SHISA9: variants seen among roughly 807,000 people sequenced by gnomAD.
SHISA9 encodes the protein protein shisa-9.
In SHISA9, 13 loss-of-function variants were observed where a neutral mutation model predicts 38.0. The observed-to-expected ratio is 0.34, with a 90% confidence interval of 0.22 to 0.54. The LOEUF (loss-of-function observed/expected upper bound fraction) is 0.54. Among genes scored for constraint, SHISA9 ranks in the 20% least tolerant of loss-of-function variants. The pLI, the probability that SHISA9 is intolerant of heterozygous loss-of-function variation, is 0.91. For missense variants in SHISA9, 538 were observed against 575.8 expected (o/e 0.93, Z 0.67); for synonymous variants, 275 against 242.0 (o/e 1.14, Z -1.27).
At chr16:13,453,221 C>G in the SHISA9 span, among the ~76,000 whole-genome samples, 1 of 152,062 alleles carries the variant, frequency 6.6e-6, no homozygotes, top group Non-Finnish European at 1.5e-5. Flanking sequence ...CAGGGAAAAC[C>G]GTTTGTTTTT....
At chr16:13,001,134 G>C (rs964844438) in intron 2 of SHISA9, among the ~76,000 whole-genome samples, 2 of 152,178 alleles carry the variant, frequency 1.3e-5, no homozygotes, top group Admixed American at 6.5e-5. Context: ...CACCATGTTG[G>C]CCAGGCTAGT....
At chr16:13,024,737 T>C (rs1489929098) in intron 2 of SHISA9, among the ~76,000 whole-genome samples, 1 of 152,220 alleles carries the variant, frequency 6.6e-6, no homozygotes, top group Non-Finnish European at 1.5e-5. Context: ...CAATACCCAT[T>C]TCCACAGAGC....
intron 2 of SHISA9, among the ~76,000 whole-genome samples, chr16:13,190,049 G>A (rs1019216086): frequency 6.6e-6 from 1 of 151,508 alleles, no homozygotes; most frequent in Non-Finnish European, 1.5e-5. Context: ...ATTGGATGAA[G>A]TGGCTGCTGT....
chr16:13,009,486 C>T (rs956578495), intron 2 of SHISA9, among the ~76,000 whole-genome samples: 1 of 152,142 alleles, frequency 6.6e-6, no homozygotes, highest in African/African-American at 2.4e-5. Flanking sequence ...CCTCCATTTT[C>T]CCTGCCCTTC....
At position 12,902,149 on chromosome 16, in the gene SHISA9, C is replaced by A. The variant is rs1232944959; in HGVS notation, c.85C>A (p.His29Asn). Residue 29 changes from histidine (H) to asparagine (N), a missense_variant, in exon 1 of 5, where the codon CAC becomes AAC. This residue lies in a region of SHISA9 where 107 missense variants were observed against 103.0 expected (regional missense o/e 1.04). Coordinates refer to ENST00000558583, the MANE Select transcript of SHISA9 (RefSeq NM_001145204.3). ...RVCRAQERAG[H>N]GQLAQLGGVL... The stretch of plus-strand genomic sequence containing the variant: ...GTGCCGGGCGCAGGAGCGAGCGGGA[C>A]ACGGGCAGCTGGCGCAACTGGGCGG... 6.6e-7 allele frequency: 1 copy of A among 1,525,858 alleles called. No homozygotes were observed. Among genetic ancestry groups the A allele is most frequent in the Non-Finnish European group, 8.8e-7 (1 of 1,142,616 alleles). The allele number at this position is 1,525,858 out of a possible 1,614,324, so 94.5% of individuals were successfully genotyped here.
At chr16:13,027,666 C>A (rs973279757) in intron 2 of SHISA9, among the ~76,000 whole-genome samples, 32 of 152,002 alleles carry the variant, frequency 2.1e-4, no homozygotes, top group African/African-American at 7.0e-4. Context: ...AAAGCAGGCA[C>A]TGAAGAGTGT....
chr16:13,148,116 C>T (rs1456138297), intron 2 of SHISA9, among the ~76,000 whole-genome samples: 2 of 152,150 alleles, frequency 1.3e-5, no homozygotes, highest in African/African-American at 2.4e-5. Flanking sequence ...CATGCACACT[C>T]ACAACATACA....
chr16:13,452,921 CTTTTT>C, the SHISA9 span, among the ~76,000 whole-genome samples: 13 of 151,572 alleles, frequency 8.6e-5, no homozygotes, highest in Non-Finnish European at 1.5e-4. Flanking sequence ...CTTTTCTTTT[CTTTTT>C]AAGACAGAGT....
chr16:13,486,843 T>G, the SHISA9 span, among the ~76,000 whole-genome samples: 1 of 152,236 alleles, frequency 6.6e-6, no homozygotes, highest in Non-Finnish European at 1.5e-5. Context: ...TAACTGGGAT[T>G]ACAGGCATGC....
the SHISA9 span, among the ~76,000 whole-genome samples, chr16:13,433,202 A>G: frequency 2.0e-5 from 3 of 152,316 alleles, no homozygotes; most frequent in African/African-American, 7.2e-5. Flanking sequence ...TCAGTAGTGC[A>G]GAGTGGCAAG....
chr16:13,326,694 G>A, the SHISA9 span, among the ~76,000 whole-genome samples: 28 of 152,062 alleles, frequency 1.8e-4, no homozygotes, highest in African/African-American at 4.8e-4. Context: ...GCACTCCAGC[G>A]TGGGAGATGA....
At chr16:12,925,692 G>A (rs530368728) in intron 2 of SHISA9, among the ~76,000 whole-genome samples, 136 of 152,240 alleles carry the variant, frequency 8.9e-4, no homozygotes, top group African/African-American at 2.9e-3. Context: ...AAGATGCCAA[G>A]TTCTGTTCCT....
rs796617733 is a variant in SHISA9 at position 13,196,407 on chromosome 16, A to AG, written c.692-6987_692-6986insG. ...GCGAGACTCCGTCTCAAAAAAAAAAAAAAGAAAGAAAAAAAAAAGTCCATT... is the reference window on the plus strand; with the variant it reads ...GCGAGACTCCGTCTCAAAAAAAAAAAGAAAGAAAGAAAAAAAAAAGTCCATT... On this transcript the variant is annotated intron_variant, in intron 2 of 4. Coordinates refer to ENST00000558583, the MANE Select transcript of SHISA9 (RefSeq NM_001145204.3). Among the ~76,000 whole-genome samples, 47 of 150,222 alleles carry AG rather than the reference A, an allele frequency of 3.1e-4. 1 individual carries two copies. The East Asian group carries it at 5.8e-3, about 19-fold the overall frequency.
the SHISA9 span, among the ~76,000 whole-genome samples, chr16:13,477,507 G>T: frequency 6.6e-6 from 1 of 152,198 alleles, no homozygotes; most frequent in Non-Finnish European, 1.5e-5. Context: ...AGTGAAAAAG[G>T]TGGTGGGGGG....
chr16:13,053,946 G>C (rs1000799806), intron 2 of SHISA9, among the ~76,000 whole-genome samples: 1 of 152,194 alleles, frequency 6.6e-6, no homozygotes, highest in Admixed American at 6.5e-5. Flanking sequence ...CCCAGAGTCG[G>C]TATCCTTGAC....
intron 2 of SHISA9, among the ~76,000 whole-genome samples, chr16:13,158,446 A>G (rs1439227746): frequency 1.3e-5 from 2 of 152,070 alleles, no homozygotes; most frequent in Non-Finnish European, 2.9e-5. Flanking sequence ...AGCCAGAACT[A>G]CCCCCAAAAC....
the SHISA9 span, among the ~76,000 whole-genome samples, chr16:13,271,336 C>T: frequency 6.6e-6 from 1 of 152,148 alleles, no homozygotes; most frequent in Non-Finnish European, 1.5e-5. Context: ...GTGTCCTGAG[C>T]TCCATCCCCA....
At chr16:13,068,918 A>G (rs1358334646) in intron 2 of SHISA9, among the ~76,000 whole-genome samples, 1 of 151,990 alleles carries the variant, frequency 6.6e-6, no homozygotes, top group Non-Finnish European at 1.5e-5. Flanking sequence ...GTGTATGTGT[A>G]TACGTGTGTA....
chr16:13,020,502 C>T (rs139374675), intron 2 of SHISA9, among the ~76,000 whole-genome samples: 7 of 152,252 alleles, frequency 4.6e-5, no homozygotes, highest in Admixed American at 1.3e-4. Context: ...AAGATAATGG[C>T]CTCCAGCTCC....
Sources: gnomAD v4.1 joint callset for allele counts (sites outside exome capture counted in the v4.1 genomes callset) on GRCh38, gnomAD v4.1.1 for gene constraint, gnomAD v4.1.1 regional missense constraint, MANE v1.5 for transcripts, NCBI Gene and HGNC (gene_info 2026-07-23, HGNC 2026-07-21) for gene names.